KMT2C: variants seen among roughly 807,000 people sequenced by gnomAD.
KMT2C encodes lysine methyltransferase 2C.
Under a neutral mutation model 507.9 loss-of-function variants are expected in KMT2C, and 88 were observed. That is an observed-to-expected ratio of 0.17 (90% CI 0.15 to 0.21). The LOEUF (loss-of-function observed/expected upper bound fraction) is 0.21, where lower values mean the gene tolerates loss of function less well. Ranked by LOEUF, KMT2C falls within the 10% of genes least tolerant of loss-of-function variation. The pLI, the probability that KMT2C is intolerant of heterozygous loss-of-function variation, is 1.00. For missense variants in KMT2C, 4,954 were observed against 5,957.8 expected (o/e 0.83, Z 5.55); for synonymous variants, 2,049 against 2,080.8 (o/e 0.98, Z 0.42).
At chr7:152,385,668 A>C (rs1418315331) in intron 1 of KMT2C, among the ~76,000 whole-genome samples, 1 of 147,888 alleles carries the variant, frequency 6.8e-6, no homozygotes, top group Non-Finnish European at 1.5e-5. Context: ...TGTTTACCTG[A>C]ACATAGAATA....
chr7:152,196,075 A>C, intron 27 of KMT2C, 64 bp from the exon 28 acceptor site: 1 of 937,468 alleles, frequency 1.1e-6, no homozygotes, highest in Non-Finnish European at 1.6e-6. Flanking sequence ...CCATTTGCTA[A>C]AAACCTAGAG....
chr7:152,183,284 G>T, intron 34 of KMT2C, 128 bp from the exon 35 acceptor site: 1 of 674,414 alleles, frequency 1.5e-6, no homozygotes, highest in Non-Finnish European at 2.4e-6. Flanking sequence ...AATACTTACG[G>T]CACCTCCCAA....
intron 23 of KMT2C, among the ~76,000 whole-genome samples, chr7:152,216,290 T>C (rs946843765): frequency 6.6e-6 from 1 of 152,212 alleles, no homozygotes; most frequent in African/African-American, 2.4e-5. Flanking sequence ...TATGCTTTTA[T>C]TGCATAAGGA....
chr7:152,332,851 AAC>A (rs35781658), intron 2 of KMT2C, among the ~76,000 whole-genome samples: 10,050 of 138,414 alleles, frequency 0.073, 424 homozygotes, highest in African/African-American at 0.13. Flanking sequence ...TGCGTCTCAA[AAC>A]ACACACACAC....
intron 1 of KMT2C, among the ~76,000 whole-genome samples, chr7:152,391,757 G>A (rs1027376547): frequency 2.6e-5 from 4 of 151,724 alleles, no homozygotes; most frequent in African/African-American, 7.3e-5. Context: ...GGCTGGTCTC[G>A]GCCTCAGCCT....
chr7:152,400,717 A>G (rs1287606666), intron 1 of KMT2C, among the ~76,000 whole-genome samples: 1 of 152,256 alleles, frequency 6.6e-6, no homozygotes, highest in African/African-American at 2.4e-5. Flanking sequence ...TTAGCTATTT[A>G]TGTGGGTGTA....
Position 152,151,575 on chromosome 7 carries a change from G to T in KMT2C, c.12533C>A (p.Ser4178Tyr). The T allele has an allele frequency of 6.2e-7, 1 of 1,613,446 alleles. No individual in the cohort carries two copies. The highest frequency in any genetic ancestry group is 8.5e-7 in the Non-Finnish European group (1 of 1,179,710). Residue 4178 changes from serine to tyrosine, a missense_variant, in exon 50 of 59, where the codon TCT (serine) becomes TAT (tyrosine). Ser to Tyr is a moderately radical substitution (Grantham distance 144). Coordinates refer to ENST00000262189, the MANE Select transcript of KMT2C (RefSeq NM_170606.3). ...ACCATGACTAGAATCCTTATATCCA[G>T]AAAGACCTAAAGGCAATCAACTTTT... is the stretch of plus-strand genomic sequence containing the variant. ...VPFPPTSNGL[S>Y]GYKDSSHGIA...
At chr7:152,331,013 T>C (rs2096877250) in intron 2 of KMT2C, among the ~76,000 whole-genome samples, 1 of 152,234 alleles carries the variant, frequency 6.6e-6, no homozygotes, top group South Asian at 2.1e-4. Context: ...TAGTAATAAA[T>C]GTTAAGAATC....
chr7:152,316,271 TA>T (rs1264627323), intron 3 of KMT2C, among the ~76,000 whole-genome samples: 1 of 152,112 alleles, frequency 6.6e-6, no homozygotes, highest in Admixed American at 6.6e-5. Context: ...GGACTGTAGT[TA>T]AAAATAATGT....
chr7:152,151,641 G>A, intron 49 of KMT2C, 60 bp from the exon 50 acceptor site: 1 of 1,475,238 alleles, frequency 6.8e-7, no homozygotes, highest in South Asian at 1.2e-5. Flanking sequence ...GGTGGCACAT[G>A]GTGAAAAATT....
chr7:152,253,137 G>A (rs953919835), intron 9 of KMT2C, among the ~76,000 whole-genome samples: 5 of 152,126 alleles, frequency 3.3e-5, no homozygotes, highest in African/African-American at 7.2e-5. Flanking sequence ...TTACAGGTGT[G>A]AGCCACTGCG....
intron 1 of KMT2C, among the ~76,000 whole-genome samples, chr7:152,429,679 C>T (rs2097849684): frequency 1.3e-5 from 2 of 151,750 alleles, no homozygotes; most frequent in Non-Finnish European, 2.9e-5. Context: ...TGCCACCACG[C>T]CCAGCTAATT....
At chr7:152,153,815 C>T (rs766313301) in intron 48 of KMT2C, among the ~76,000 whole-genome samples, 195 bp downstream of exon 48, 47 of 151,758 alleles carry the variant, frequency 3.1e-4, no homozygotes, top group Admixed American at 8.5e-4. Flanking sequence ...TTTTACTTGA[C>T]GTAGGCTGAG....
chr7:152,425,440 G>A (rs1180618886), intron 1 of KMT2C, among the ~76,000 whole-genome samples: 1 of 152,150 alleles, frequency 6.6e-6, no homozygotes, highest in Admixed American at 6.6e-5. Flanking sequence ...GCCAGGCGTG[G>A]TGGAGGGGCG....
intron 1 of KMT2C, among the ~76,000 whole-genome samples, chr7:152,421,566 A>G (rs1358334523): frequency 1.3e-5 from 2 of 152,252 alleles, no homozygotes; most frequent in Admixed American, 6.5e-5. Context: ...AGCCATAAAA[A>G]AAGAATGAAA....
chr7:152,158,811 A>G (rs750370749), intron 44 of KMT2C, 52 bp downstream of exon 44: 3 of 1,546,524 alleles, frequency 1.9e-6, no homozygotes, highest in Non-Finnish European at 2.7e-6. Flanking sequence ...CACTGCCCCC[A>G]GCCTATATCC....
chr7:152,167,524 T>C (rs2092782445), intron 41 of KMT2C, 146 bp from the exon 42 acceptor site: 1 of 595,182 alleles, frequency 1.7e-6, no homozygotes, highest in Non-Finnish European at 2.9e-6. Context: ...TAGACGATTA[T>C]GTAATGATAA....
At chr7:152,223,805 T>TAAAAA (rs1381800294) in intron 20 of KMT2C, among the ~76,000 whole-genome samples, 7 of 151,982 alleles carry the variant, frequency 4.6e-5, no homozygotes, top group Admixed American at 3.9e-4. Context: ...TCTCTAAATT[T>TAAAAA]AAAAACAAAA....
At chr7:152,271,673 CAAAAAAAAAAA>C (rs35698920) in intron 7 of KMT2C, among the ~76,000 whole-genome samples, 15 of 54,994 alleles carry the variant, frequency 2.7e-4, no homozygotes, top group Non-Finnish European at 3.5e-4. Context: ...GACTCCATCT[CAAAAAAAAAAA>C]AAAAAAAAAA....
Sources: gnomAD v4.1 joint callset for allele counts (sites outside exome capture counted in the v4.1 genomes callset) on GRCh38, gnomAD v4.1.1 for gene constraint, MANE v1.5 for transcripts, NCBI Gene and HGNC (gene_info 2026-07-23, HGNC 2026-07-21) for gene names.